Variants in MARCHF1 observed in about 807,000 individuals in gnomAD.
MARCHF1 encodes E3 ubiquitin-protein ligase MARCHF1.
MARCHF1 carries 40 observed loss-of-function variants against 54.2 expected under a neutral mutation model. The ratio of observed to expected loss-of-function variants is 0.74; its 90% CI spans 0.57 to 0.96. The LOEUF (loss-of-function observed/expected upper bound fraction) is 0.96. MARCHF1 is among the 40% of genes least tolerant of loss of function. MARCHF1 has a pLI of 0.00. For synonymous variants in MARCHF1, 236 were observed against 236.3 expected, an observed-to-expected ratio of 1.00 and a Z score of 0.01; for missense variants, 586 against 656.5, an observed-to-expected ratio of 0.89 and a Z score of 1.17.
At chr4:163,754,369 T>C (rs1326387498) in intron 4 of MARCHF1, among the ~76,000 whole-genome samples, 2 of 152,142 alleles carry the variant, frequency 1.3e-5, no homozygotes, top group Non-Finnish European at 2.9e-5. Context: ...CAAAATGAAA[T>C]CTGTAGCTAT....
In MARCHF1 at chr4:164,120,791, A is replaced by T. The variant is rs115559796; in HGVS notation, c.-322-9129T>A. 1.8e-3 allele frequency among the ~76,000 whole-genome samples: 278 copies of T among 152,322 alleles called. 2 individuals are homozygous for T. The highest frequency in any genetic ancestry group is 6.3e-3 in the African/African-American group (262 of 41,580). ...AAACATTTTCTTAAAACAAGTGATG[A>T]TGAAAACACAACATACCAAAACCTA... On this transcript the variant is annotated intron_variant, in intron 1 of 9. Coordinates refer to ENST00000514618, the MANE Select transcript of MARCHF1 (RefSeq NM_001394959.1).
At chr4:163,952,534 A>G (rs1368430467) in intron 3 of MARCHF1, among the ~76,000 whole-genome samples, 2 of 152,210 alleles carry the variant, frequency 1.3e-5, no homozygotes, top group East Asian at 3.8e-4. Flanking sequence ...CATGCATACC[A>G]TACAACAAAA....
At chr4:163,927,205 C>T (rs1361194321) in intron 3 of MARCHF1, among the ~76,000 whole-genome samples, 3 of 151,680 alleles carry the variant, frequency 2.0e-5, no homozygotes, top group Non-Finnish European at 4.4e-5. Context: ...GATTAGTGTT[C>T]CCTTCTTAGA....
intron 4 of MARCHF1, among the ~76,000 whole-genome samples, chr4:163,717,580 C>T (rs1336938595): frequency 6.6e-6 from 1 of 152,096 alleles, no homozygotes; most frequent in African/African-American, 2.4e-5. Context: ...ACACTGACTT[C>T]CACAATGGTT....
chr4:164,197,152 CCCT>C (rs766142647), intron 1 of MARCHF1: 49 of 1,606,500 alleles, frequency 3.1e-5, no homozygotes, highest in African/African-American at 8.0e-5. Context: ...CTCCTCCTCG[CCCT>C]CCTCATCTTC....
chr4:163,967,794 C>A (rs886187404), intron 3 of MARCHF1, among the ~76,000 whole-genome samples: 4 of 152,102 alleles, frequency 2.6e-5, no homozygotes, highest in Non-Finnish European at 5.9e-5. Context: ...TGTGGACTAG[C>A]AGGCTCGAGG....
chr4:164,075,114 G>A (rs1754950223), intron 2 of MARCHF1, among the ~76,000 whole-genome samples: 1 of 151,982 alleles, frequency 6.6e-6, no homozygotes, highest in African/African-American at 2.4e-5. Context: ...GTTATCTCAG[G>A]CTTTTCTATT....
intron 1 of MARCHF1, among the ~76,000 whole-genome samples, chr4:164,114,571 G>A (rs1755901693): frequency 1.3e-5 from 2 of 151,322 alleles, no homozygotes; most frequent in Admixed American, 6.6e-5. Context: ...GTTAAAATTT[G>A]CTTTTTCCCA....
rs1753524432 is a variant in MARCHF1, at chr4:164,015,691, G to A, written c.-247-26982C>T. Among the ~76,000 whole-genome samples, 2 of 151,512 alleles carry A rather than the reference G, an allele frequency of 1.3e-5. 1 individual carries two copies. Among genetic ancestry groups the A allele is most frequent in the Non-Finnish European group, 2.9e-5 (2 of 67,934 alleles). ...TTTCTGCAAAGAAGACACACAAATGGCCAATAGTATATGAAAAAAAAAATG... is the reference window on the plus strand; with the variant it reads ...TTTCTGCAAAGAAGACACACAAATGACCAATAGTATATGAAAAAAAAAATG... On this transcript the variant is annotated intron_variant, in intron 2 of 9. Coordinates refer to ENST00000514618, the MANE Select transcript of MARCHF1 (RefSeq NM_001394959.1).
At chr4:163,594,753 AACACAAACACACAC>A (rs754189578) in intron 7 of MARCHF1, among the ~76,000 whole-genome samples, 1 of 141,974 alleles carries the variant, frequency 7.0e-6, no homozygotes, top group Non-Finnish European at 1.5e-5. Context: ...CTATTATCAA[AACACAAACACACAC>A]ACACACACAC....
chr4:163,720,509 G>A (rs1009005096), intron 4 of MARCHF1, among the ~76,000 whole-genome samples: 19 of 152,108 alleles, frequency 1.2e-4, no homozygotes, highest in Non-Finnish European at 2.1e-4. Flanking sequence ...TTGGCAATGT[G>A]GGCTCTTTTT....
chr4:163,713,245 A>G (rs1394356883), intron 4 of MARCHF1, among the ~76,000 whole-genome samples: 1 of 152,032 alleles, frequency 6.6e-6, no homozygotes. Flanking sequence ...ATCAAATTTA[A>G]TCTTTTTACA....
chr4:164,323,258 A>C (rs1012599133), intron 1 of MARCHF1, among the ~76,000 whole-genome samples: 1 of 151,788 alleles, frequency 6.6e-6, no homozygotes, highest in Non-Finnish European at 1.5e-5. Flanking sequence ...CTTTTAAAAT[A>C]ACCCCTGGAT....
chr4:164,162,159 G>A (rs1317198761), intron 1 of MARCHF1, among the ~76,000 whole-genome samples: 1 of 151,912 alleles, frequency 6.6e-6, no homozygotes, highest in Non-Finnish European at 1.5e-5. Context: ...AAAATAAGCA[G>A]ATAAAATATA....
intron 4 of MARCHF1, among the ~76,000 whole-genome samples, chr4:163,758,209 G>T (rs901896351): frequency 3.9e-5 from 6 of 152,122 alleles, no homozygotes; most frequent in Non-Finnish European, 7.4e-5. Flanking sequence ...GAGTCTGGAA[G>T]GCAGAAGGCC....
intron 8 of MARCHF1, among the ~76,000 whole-genome samples, chr4:163,564,190 G>A (rs1163218705): frequency 6.6e-6 from 1 of 152,162 alleles, no homozygotes; most frequent in African/African-American, 2.4e-5. Context: ...GCGTTGAGAT[G>A]GAGTGCTAGT....
intron 2 of MARCHF1, among the ~76,000 whole-genome samples, chr4:164,038,561 T>C (rs1754060338): frequency 6.6e-6 from 1 of 152,160 alleles, no homozygotes; most frequent in Non-Finnish European, 1.5e-5. Context: ...TTATTAAAAT[T>C]TGTGCAGGTG....
rs1017086945 is a variant in MARCHF1 at position 163,528,285 on chromosome 4, G to A, written c.*463C>T. ...AAGTTCACTTCCAATGTGACTTAGG[G>A]ATAATGCAGACAATTTCAGGCTTAA... On this transcript the variant is annotated 3_prime_UTR_variant, in exon 10 of 10. Transcript: ENST00000514618. 1 of 155,550 alleles carries A rather than the reference G, an allele frequency of 6.4e-6. No individual in the cohort carries two copies. The highest frequency in any genetic ancestry group is 2.4e-5 in the African/African-American group (1 of 41,376). 9.6% of individuals were successfully genotyped at this position (155,550 alleles called of 1,614,324 possible). A position where few individuals can be genotyped will look rare whatever the true frequency, so the allele number is the denominator to read the frequency against.
intron 2 of MARCHF1, among the ~76,000 whole-genome samples, chr4:164,004,586 T>A (rs112421075): frequency 1.6e-4 from 25 of 152,146 alleles, no homozygotes; most frequent in African/African-American, 5.8e-4. Context: ...AATAGATTAT[T>A]ACTTGGGCAA....
Sources: allele counts gnomAD v4.1 joint callset (sites outside exome capture counted in the v4.1 genomes callset), GRCh38; gene constraint gnomAD v4.1.1; transcripts MANE v1.5; gene names NCBI Gene and HGNC (gene_info 2026-07-23, HGNC 2026-07-21).